WDR20: variants seen among roughly 807,000 people sequenced by gnomAD.
WDR20 encodes WD repeat domain 20.
Under a neutral mutation model 38.7 loss-of-function variants are expected in WDR20, and 3 were observed. That is an observed-to-expected ratio of 0.08 (90% confidence interval 0.04 to 0.20). The LOEUF is 0.20. Ranked by LOEUF, WDR20 falls within the 10% of genes least tolerant of loss-of-function variation. The probability of loss-of-function intolerance (pLI) is 1.00; values close to 1 mark genes in which losing one functional copy is unlikely to be tolerated. For missense variants in WDR20, 559 were observed against 727.7 expected, an observed-to-expected ratio of 0.77 and a Z score of 2.67; for synonymous variants, 298 against 285.6, an observed-to-expected ratio of 1.04 and a Z score of -0.44.
intron 1 of WDR20, among the ~76,000 whole-genome samples, chr14:102,151,118 A>T (rs142492432): frequency 6.6e-6 from 1 of 151,950 alleles, no homozygotes; most frequent in Non-Finnish European, 1.5e-5. Flanking sequence ...ATAAATGCAT[A>T]ACTCTTTAAA....
rs768656710 is a variant in WDR20 at position 102,139,929 on chromosome 14, G to A, written c.6G>A (p.Ala2=). 2 of 1,612,274 alleles carry A rather than the reference G, an allele frequency of 1.2e-6. No homozygotes were observed. The highest frequency in any genetic ancestry group is 3.3e-5 in the Admixed American group (2 of 60,010). M[A]TEGGGKEMNE... The stretch of plus-strand genomic sequence containing the variant: ...GATGAACGCTGCTTTCCAAGATGGC[G>A]ACGGAGGGAGGAGGGAAGGAGATGA... Residue 2 remains alanine (A), a synonymous_variant, in exon 1 of 3, where the codon GCG becomes GCA. Coordinates refer to ENST00000342702, the MANE Select transcript of WDR20 (RefSeq NM_144574.4).
intron 2 of WDR20, among the ~76,000 whole-genome samples, chr14:102,204,787 TCA>T (rs982543271): frequency 6.6e-6 from 1 of 152,268 alleles, no homozygotes; most frequent in Non-Finnish European, 1.5e-5. Flanking sequence ...GGTACATTAC[TCA>T]CACATGTGAA....
At chr14:102,180,788 G>A (rs6575897) in intron 1 of WDR20, among the ~76,000 whole-genome samples, 53,489 of 152,058 alleles carry the variant, frequency 0.35, 13,318 homozygotes, top group African/African-American at 0.71. Context: ...ACCCTTTGTC[G>A]TAACCATGTG....
At position 102,221,022 on chromosome 14, in the gene WDR20, C is replaced by A. The variant is rs893572359; in HGVS notation, c.1693-1808C>A. Among the ~76,000 whole-genome samples the A allele has an allele frequency of 2.0e-5, 3 of 152,236 alleles. No homozygotes were observed. Among genetic ancestry groups the A allele is most frequent in the Non-Finnish European group, 4.4e-5 (3 of 68,052 alleles). On this transcript the variant is annotated intron_variant, in intron 3 of 3. Transcript: ENST00000335263. The surrounding 1 kb of genome is among the most constrained non-coding windows in gnomAD (Gnocchi z 4.8). ...GCTCAAGTAATCTCCCCACCTCAGC[C>A]TCCCACAGGGCTGGCTGTCACTTGT...
chr14:102,200,467 T>TTTGTGTGTGTGTGTGTG (rs748066838), intron 2 of WDR20, among the ~76,000 whole-genome samples: 1 of 117,688 alleles, frequency 8.5e-6, no homozygotes, highest in African/African-American at 3.1e-5. Context: ...ATTTTTTTTT[T>TTTGTGTGTGTGTGTGTG]TGTGTGTGTG....
chr14:102,209,880 A>G lies in WDR20; in HGVS notation c.1710A>G (p.Ter570=). 1 of 1,598,058 alleles carries G rather than the reference A, an allele frequency of 6.3e-7. No individual in the cohort carries two copies. The highest frequency in any genetic ancestry group is 1.1e-5 in the South Asian group (1 of 89,316). Reference sequence around the variant, plus strand: ...GTAAAGTGGTAAGTTTTAATCCTTAATGCTGCACCAGATCTAGAACTTGAA... The same window carrying G: ...GTAAAGTGGTAAGTTTTAATCCTTAGTGCTGCACCAGATCTAGAACTTGAA... ...RPGKVVSFNP[*] Residue 570 remains the stop codon, a stop_retained_variant, in exon 3 of 3, where the codon TAA becomes TAG. Transcript: ENST00000342702. The surrounding 1 kb of genome is among the most constrained non-coding windows in gnomAD (Gnocchi z 6.0).
At chr14:102,180,962 C>T (rs566199980) in intron 1 of WDR20, among the ~76,000 whole-genome samples, 6 of 152,226 alleles carry the variant, frequency 3.9e-5, no homozygotes, top group African/African-American at 1.2e-4. Context: ...GGATGATTTT[C>T]CTGAAGGTGG....
chr14:102,182,992 A>T (rs1449465649), intron 1 of WDR20, among the ~76,000 whole-genome samples: 1 of 152,078 alleles, frequency 6.6e-6, no homozygotes, highest in Non-Finnish European at 1.5e-5. Context: ...TGAACCCAGG[A>T]GGTGGAGGTT....
At chr14:102,187,041 A>C (rs1172248156) in intron 1 of WDR20, among the ~76,000 whole-genome samples, 1 of 151,864 alleles carries the variant, frequency 6.6e-6, no homozygotes, top group Non-Finnish European at 1.5e-5. Flanking sequence ...ATAGGCCCCT[A>C]GTCGTTCCAC....
At chr14:102,172,231 C>T (rs1348844093) in intron 1 of WDR20, among the ~76,000 whole-genome samples, 2 of 150,734 alleles carry the variant, frequency 1.3e-5, no homozygotes, top group African/African-American at 2.4e-5. Context: ...GGGGTAAGGT[C>T]ACAGATCAAC....
chr14:102,160,500 T>C (rs1213234345), intron 1 of WDR20, among the ~76,000 whole-genome samples: 1 of 152,120 alleles, frequency 6.6e-6, no homozygotes, highest in Non-Finnish European at 1.5e-5. Context: ...CATCTTGTTT[T>C]TTCTGCTTAA....
At chr14:102,140,249 G>A in intron 1 of WDR20, 77 bp downstream of exon 1, 2 of 1,575,318 alleles carry the variant, frequency 1.3e-6, no homozygotes, top group South Asian at 1.1e-5. Flanking sequence ...AGTGGGGCCA[G>A]GGTGACCGAG....
chr14:102,143,903 G>A (rs189735178), intron 1 of WDR20, among the ~76,000 whole-genome samples: 112 of 152,000 alleles, frequency 7.4e-4, no homozygotes, highest in Non-Finnish European at 1.3e-3. Flanking sequence ...GTGGTCGGGT[G>A]CAGTGGCTCA....
At chr14:102,215,308 A>G (rs2153044533), downstream of WDR20, among the ~76,000 whole-genome samples, 1 of 152,276 alleles carries the variant, frequency 6.6e-6, no homozygotes, top group East Asian at 1.9e-4. Flanking sequence ...CTGTTTAATG[A>G]GAATGCAGAC....
Position 102,208,970 on chromosome 14 carries a change from G to C in WDR20, c.800G>C (p.Cys267Ser), listed in dbSNP as rs61731156. The C allele has an allele frequency of 6.3e-4, 1,021 of 1,614,194 alleles. 8 individuals are homozygous for C. The African/African-American group carries it at 0.012, about 19-fold the overall frequency. Residue 267 changes from cysteine to serine, a missense_variant, in exon 3 of 3, where the codon TGT becomes TCT. Coordinates refer to ENST00000342702, the MANE Select transcript of WDR20 (RefSeq NM_144574.4). The surrounding 1 kb of genome is among the most constrained non-coding windows in gnomAD (Gnocchi z 5.6). The stretch of plus-strand genomic sequence containing the variant: ...AAAAGCTACTTTGGGGGCTTGCTGT[G>C]TGTGTGCTGGAGCCCGGATGGCAAG... Reference protein sequence around the residue: ...TMKSYFGGLLCVCWSPDGKYI... With the variant: ...TMKSYFGGLLSVCWSPDGKYI...
At chr14:102,182,502 T>C (rs1198199669) in intron 1 of WDR20, among the ~76,000 whole-genome samples, 1 of 152,204 alleles carries the variant, frequency 6.6e-6, no homozygotes, top group Non-Finnish European at 1.5e-5. Context: ...TGGAATATAT[T>C]ATCATCTGTT....
intron 1 of WDR20, among the ~76,000 whole-genome samples, chr14:102,186,732 A>G (rs1039128937): frequency 3.3e-5 from 5 of 152,098 alleles, no homozygotes; most frequent in African/African-American, 1.2e-4. Context: ...CAGGCGGATC[A>G]CGAGGTCAGG....
intron 1 of WDR20, among the ~76,000 whole-genome samples, chr14:102,161,734 G>A (rs1175919427): frequency 1.3e-5 from 2 of 151,980 alleles, no homozygotes; most frequent in African/African-American, 2.4e-5. Flanking sequence ...GCTTTCTACC[G>A]TGTTTCAGCC....
chr14:102,148,011 G>A (rs537995591), intron 1 of WDR20, among the ~76,000 whole-genome samples: 5 of 152,166 alleles, frequency 3.3e-5, no homozygotes, highest in South Asian at 2.1e-4. Context: ...GATTACAGGC[G>A]TGGGCTACTA....
Sources: gnomAD v4.1 joint callset for allele counts (sites outside exome capture counted in the v4.1 genomes callset) on GRCh38, gnomAD v4.1.1 for gene constraint, Gnocchi (gnomAD v3.1) non-coding constraint, MANE v1.5 for transcripts, NCBI Gene and HGNC (gene_info 2026-07-23, HGNC 2026-07-21) for gene names.